The following PTPRD variants were observed in gnomAD, a reference collection of about 807,000 sequenced individuals.
PTPRD encodes protein tyrosine phosphatase receptor type D.
In PTPRD, 34 loss-of-function variants were observed where a neutral mutation model predicts 214.5. That is an observed-to-expected ratio of 0.16 (90% CI 0.12 to 0.21). PTPRD has a LOEUF of 0.21. Ranked by LOEUF, PTPRD falls within the 10% of genes least tolerant of loss-of-function variation. The pLI, the probability that PTPRD is intolerant of heterozygous loss-of-function variation, is 1.00. For synonymous variants in PTPRD, 1,128 were observed against 845.7 expected, an observed-to-expected ratio of 1.33 and a Z score of -5.79; for missense variants, 2,545 against 2,398.7, an observed-to-expected ratio of 1.06 and a Z score of -1.27.
chr9:8,833,569 CTATG>C (rs1310067451), intron 11 of PTPRD, among the ~76,000 whole-genome samples: 3 of 149,584 alleles, frequency 2.0e-5, no homozygotes, highest in Non-Finnish European at 4.4e-5. Flanking sequence ...AGGGCTGGAT[CTATG>C]TATGACCTGG....
intron 11 of PTPRD, among the ~76,000 whole-genome samples, chr9:8,924,127 ATT>A (rs35565675): frequency 0.68 from 103,576 of 151,680 alleles, 35,573 homozygotes; most frequent in East Asian, 0.86. Flanking sequence ...CTAAGCTACG[ATT>A]AAATCCAGCA....
chr9:10,039,537 C>G (rs1238677237), intron 3 of PTPRD, among the ~76,000 whole-genome samples: 1 of 152,038 alleles, frequency 6.6e-6, no homozygotes, highest in Non-Finnish European at 1.5e-5. Flanking sequence ...TTCAAACACA[C>G]TTTAATTTCC....
intron 3 of PTPRD, among the ~76,000 whole-genome samples, chr9:10,290,832 TTAAA>T (rs1469689628): frequency 2.6e-5 from 4 of 152,084 alleles, no homozygotes; most frequent in African/African-American, 9.7e-5. Flanking sequence ...AGCATCATAA[TTAAA>T]TAAAAATATT....
intron 12 of PTPRD, among the ~76,000 whole-genome samples, chr9:8,650,503 C>G (rs1159132034): frequency 1.1e-5 from 1 of 88,374 alleles, no homozygotes; most frequent in South Asian, 3.5e-4. Context: ...CCAGCCTGGG[C>G]AAAAAGAGCA....
intron 3 of PTPRD, among the ~76,000 whole-genome samples, chr9:10,039,013 A>G (rs922820246): frequency 6.6e-6 from 1 of 152,038 alleles, no homozygotes; most frequent in Non-Finnish European, 1.5e-5. Context: ...AAAATGTATG[A>G]CTATGAAAAA....
intron 4 of PTPRD, among the ~76,000 whole-genome samples, chr9:10,031,647 T>TATATATATATATACATACACACACACAC: frequency 1.1e-5 from 1 of 89,692 alleles, no homozygotes; most frequent in African/African-American, 8.1e-5. Flanking sequence ...TATATATATA[T>TATATATATATATACATACACACACACAC]ACACACACAC....
intron 2 of PTPRD, among the ~76,000 whole-genome samples, chr9:10,557,713 T>C (rs772998796): frequency 6.6e-6 from 1 of 152,086 alleles, no homozygotes; most frequent in East Asian, 1.9e-4. Flanking sequence ...CAGCAACATA[T>C]GGAATTACCT....
At chr9:10,196,049 G>A (rs1419418074) in intron 3 of PTPRD, among the ~76,000 whole-genome samples, 3 of 152,098 alleles carry the variant, frequency 2.0e-5, no homozygotes, top group Non-Finnish European at 4.4e-5. Flanking sequence ...CTCTACGGGG[G>A]ATGAAAATAT....
chr9:8,525,122 A>C, intron 17 of PTPRD, 87 bp from the exon 18 acceptor site: 1 of 1,120,114 alleles, frequency 8.9e-7, no homozygotes, highest in South Asian at 1.2e-5. Flanking sequence ...CAATATGAAA[A>C]GCCCTGCAAA....
At chr9:9,359,058 C>T (rs546655614) in intron 9 of PTPRD, among the ~76,000 whole-genome samples, 37 of 151,450 alleles carry the variant, frequency 2.4e-4, no homozygotes, top group African/African-American at 8.7e-4. Flanking sequence ...ATGATCCCAT[C>T]ATAGACAGCC....
chr9:8,345,933 A>C (rs1031874596), intron 39 of PTPRD, among the ~76,000 whole-genome samples: 2 of 152,064 alleles, frequency 1.3e-5, no homozygotes, highest in Non-Finnish European at 2.9e-5. Context: ...TAATGCTCCA[A>C]AAGTTCTGTC....
intron 8 of PTPRD, among the ~76,000 whole-genome samples, chr9:9,459,287 A>G (rs972448047): frequency 2.6e-5 from 4 of 152,138 alleles, no homozygotes; most frequent in African/African-American, 9.7e-5. Context: ...CACTAAGAAC[A>G]GAAACAAGAT....
intron 2 of PTPRD, among the ~76,000 whole-genome samples, chr9:10,359,823 T>G (rs1191600423): frequency 1.3e-5 from 2 of 152,136 alleles, no homozygotes; most frequent in African/African-American, 4.8e-5. Flanking sequence ...ATTCACTGAA[T>G]GGATAATGAT....
intron 2 of PTPRD, among the ~76,000 whole-genome samples, chr9:10,524,876 AT>A (rs899488481): frequency 7.9e-5 from 12 of 151,996 alleles, no homozygotes; most frequent in Admixed American, 2.6e-4. Flanking sequence ...CTACAGGTGA[AT>A]TTAAAAAGAT....
chr9:10,583,744 C>T (rs867952233), intron 2 of PTPRD, among the ~76,000 whole-genome samples: 1 of 152,154 alleles, frequency 6.6e-6, no homozygotes, highest in South Asian at 2.1e-4. Context: ...TCCCAAAGTG[C>T]TGGGATTACA....
chr9:10,076,980 A>C (rs1295393517), intron 3 of PTPRD, among the ~76,000 whole-genome samples: 1 of 152,190 alleles, frequency 6.6e-6, no homozygotes, highest in Non-Finnish European at 1.5e-5. Flanking sequence ...CCTGACTTCA[A>C]CATTATTTCC....
intron 3 of PTPRD, among the ~76,000 whole-genome samples, chr9:10,309,378 A>G (rs1340131452): frequency 1.3e-5 from 2 of 151,860 alleles, no homozygotes; most frequent in African/African-American, 2.4e-5. Flanking sequence ...TTGAAGACAG[A>G]GTCTCACTCT....
intron 3 of PTPRD, among the ~76,000 whole-genome samples, chr9:10,187,119 G>T (rs765421610): frequency 6.6e-6 from 1 of 151,972 alleles, no homozygotes; most frequent in African/African-American, 2.4e-5. Context: ...ATCCATAAAT[G>T]CTCTTTTAAA....
At chr9:10,035,858 A>T (rs959782098) in intron 3 of PTPRD, among the ~76,000 whole-genome samples, 2 of 152,138 alleles carry the variant, frequency 1.3e-5, no homozygotes, top group African/African-American at 4.8e-5. Context: ...ATAAGTGAGT[A>T]AATACCAGCA....
Sources: gnomAD v4.1 joint callset for allele counts (sites outside exome capture counted in the v4.1 genomes callset) on GRCh38, gnomAD v4.1.1 for gene constraint, MANE v1.5 for transcripts, NCBI Gene and HGNC (gene_info 2026-07-23, HGNC 2026-07-21) for gene names.